Variants in ATRNL1 observed in about 807,000 individuals in gnomAD.
The protein encoded by ATRNL1 is attractin-like protein 1.
In ATRNL1, 95 loss-of-function variants were observed where a neutral mutation model predicts 182.7. The ratio of observed to expected loss-of-function variants is 0.52; its 90% CI spans 0.44 to 0.62. The LOEUF (loss-of-function observed/expected upper bound fraction) is 0.62. ATRNL1 is among the 20% of genes least tolerant of loss of function. The pLI, the probability that ATRNL1 is intolerant of heterozygous loss-of-function variation, is 0.00. For synonymous variants in ATRNL1, 576 were observed against 568.3 expected, an observed-to-expected ratio of 1.01 and a Z score of -0.19; for missense variants, 1,471 against 1,679.5, an observed-to-expected ratio of 0.88 and a Z score of 2.17.
At chr10:115,884,349 C>A (rs1309441598) in intron 28 of ATRNL1, among the ~76,000 whole-genome samples, 1 of 152,112 alleles carries the variant, frequency 6.6e-6, no homozygotes, top group Non-Finnish European at 1.5e-5. Context: ...AATGTTTAAG[C>A]CATATCTCAA....
At chr10:115,403,701 CT>C (rs1378478562) in intron 20 of ATRNL1, among the ~76,000 whole-genome samples, 1 of 152,198 alleles carries the variant, frequency 6.6e-6, no homozygotes, top group Non-Finnish European at 1.5e-5. Context: ...ATCCGTCCAC[CT>C]TGGCCTACCA....
At chr10:115,317,442 G>T (rs1372750658) in intron 18 of ATRNL1, among the ~76,000 whole-genome samples, 1 of 152,124 alleles carries the variant, frequency 6.6e-6, no homozygotes, top group Admixed American at 6.5e-5. Context: ...GTCAATTGTA[G>T]CTTGATGGGA....
Position 115,866,745 on chromosome 10 carries a change from G to A in ATRNL1, c.4018+18754G>A, listed in dbSNP as rs116386776. On this transcript the variant is annotated intron_variant, in intron 28 of 28. Transcript: ENST00000355044. ...CTTATATTTAATCTGCTGTTTTATG[G>A]GAGTTTTTTTTAAAGGAGCGAGAAG... 6.9e-3 allele frequency among the ~76,000 whole-genome samples: 1,054 copies of A among 152,234 alleles called. 15 individuals are homozygous for A. Among genetic ancestry groups the A allele is most frequent in the African/African-American group, 0.024 (995 of 41,534 alleles).
chr10:115,301,413 T>C (rs1853461011), intron 16 of ATRNL1, among the ~76,000 whole-genome samples: 1 of 152,224 alleles, frequency 6.6e-6, no homozygotes, highest in African/African-American at 2.4e-5. Flanking sequence ...ATAAATATTG[T>C]ATCTTGTGTA....
At chr10:115,839,013 A>T (rs1950743382) in intron 27 of ATRNL1, among the ~76,000 whole-genome samples, 1 of 152,128 alleles carries the variant, frequency 6.6e-6, no homozygotes, top group East Asian at 1.9e-4. Context: ...TTACAGTAGA[A>T]AGTCATTTAT....
chr10:115,098,153 A>G (rs1554863612), intron 1 of ATRNL1, among the ~76,000 whole-genome samples: 1 of 152,196 alleles, frequency 6.6e-6, no homozygotes. Flanking sequence ...ATCACACAGT[A>G]GGAATTTAAA....
At chr10:115,676,743 G>C (rs973822717) in intron 26 of ATRNL1, among the ~76,000 whole-genome samples, 3 of 151,752 alleles carry the variant, frequency 2.0e-5, no homozygotes, top group African/African-American at 7.3e-5. Flanking sequence ...AGAGTGGAGG[G>C]GGAAAGAAAA....
At chr10:115,203,289 A>T (rs1313678112) in intron 8 of ATRNL1, among the ~76,000 whole-genome samples, 2 of 152,146 alleles carry the variant, frequency 1.3e-5, no homozygotes, top group African/African-American at 4.8e-5. Context: ...CTAGAGCAGT[A>T]ATAGAGATTG....
intron 26 of ATRNL1, among the ~76,000 whole-genome samples, chr10:115,682,550 G>A (rs1199461709): frequency 3.3e-5 from 5 of 151,812 alleles, no homozygotes; most frequent in African/African-American, 7.3e-5. Flanking sequence ...CAAACAAAAC[G>A]AACAAACAAA....
At chr10:115,637,026 T>C (rs1197516230) in intron 26 of ATRNL1, among the ~76,000 whole-genome samples, 3 of 152,054 alleles carry the variant, frequency 2.0e-5, no homozygotes, top group African/African-American at 7.2e-5. Flanking sequence ...AGTAAACAGG[T>C]CAGAAGAAGC....
chr10:115,474,893 G>A (rs530991551), intron 24 of ATRNL1, among the ~76,000 whole-genome samples: 9 of 151,470 alleles, frequency 5.9e-5, no homozygotes, highest in East Asian at 1.9e-4. Context: ...ACCCAGGAGC[G>A]TGTCAGAAAT....
At chr10:115,158,615 A>T (rs1186621797) in intron 5 of ATRNL1, among the ~76,000 whole-genome samples, 1 of 151,998 alleles carries the variant, frequency 6.6e-6, no homozygotes, top group Non-Finnish European at 1.5e-5. Flanking sequence ...CAATGTAAGC[A>T]TTGAAAAAAA....
intron 28 of ATRNL1, among the ~76,000 whole-genome samples, chr10:115,879,271 C>T (rs1396853255): frequency 1.6e-5 from 2 of 128,948 alleles, no homozygotes; most frequent in African/African-American, 6.0e-5. Flanking sequence ...CGTGCCACTG[C>T]AGTCCAGCCT....
intron 27 of ATRNL1, among the ~76,000 whole-genome samples, chr10:115,731,082 C>A (rs562671128): frequency 1.3e-5 from 2 of 152,228 alleles, no homozygotes; most frequent in Admixed American, 1.3e-4. Flanking sequence ...CCTGCCTTTC[C>A]CAGCCCACTG....
chr10:115,259,663 C>T (rs1554908182), intron 10 of ATRNL1, among the ~76,000 whole-genome samples: 1 of 152,150 alleles, frequency 6.6e-6, no homozygotes, highest in Non-Finnish European at 1.5e-5. Flanking sequence ...CCAGGTACCT[C>T]AGTTGGAAAT....
chr10:115,500,032 G>T (rs1038296463), intron 24 of ATRNL1, among the ~76,000 whole-genome samples: 2 of 152,182 alleles, frequency 1.3e-5, no homozygotes, highest in East Asian at 3.9e-4. Context: ...ATTTTTTGCA[G>T]GTGTTGAAGA....
intron 21 of ATRNL1, among the ~76,000 whole-genome samples, chr10:115,445,103 C>CT (rs566323182): frequency 4.6e-5 from 7 of 151,762 alleles, no homozygotes; most frequent in South Asian, 2.1e-4. Flanking sequence ...AATATTACTT[C>CT]TTTTTTTTAT....
At chr10:115,267,762 C>T (rs114355555) in intron 12 of ATRNL1, among the ~76,000 whole-genome samples, 1,918 of 151,908 alleles carry the variant, frequency 0.013, 36 homozygotes, top group African/African-American at 0.04. Context: ...CTCTAAAATA[C>T]GTAAATTTAT....
At chr10:115,746,302 T>G (rs1217304485) in intron 27 of ATRNL1, among the ~76,000 whole-genome samples, 1 of 152,142 alleles carries the variant, frequency 6.6e-6, no homozygotes, top group Non-Finnish European at 1.5e-5. Context: ...GTTTAAATTT[T>G]TAAACTTTTA....
Sources: allele counts gnomAD v4.1 joint callset (sites outside exome capture counted in the v4.1 genomes callset), GRCh38; gene constraint gnomAD v4.1.1; transcripts MANE v1.5; gene names NCBI Gene and HGNC (gene_info 2026-07-23, HGNC 2026-07-21).